The following OSBP2 variants were observed in gnomAD, a reference collection of about 807,000 sequenced individuals.
OSBP2 encodes the protein oxysterol-binding protein 2.
In OSBP2, 66 loss-of-function variants were observed where a neutral mutation model predicts 96.0. The ratio of observed to expected loss-of-function variants is 0.69; its 90% CI spans 0.56 to 0.84. The LOEUF (loss-of-function observed/expected upper bound fraction) is 0.84. OSBP2 is among the 40% of genes least tolerant of loss of function. The pLI is 0.00. For missense variants in OSBP2, 1,038 were observed against 1,222.7 expected (o/e 0.85, Z 2.25); for synonymous variants, 525 against 520.9 (o/e 1.01, Z -0.11).
At chr22:30,866,416 C>T (rs2039339515) in intron 2 of OSBP2, among the ~76,000 whole-genome samples, 1 of 152,228 alleles carries the variant, frequency 6.6e-6, no homozygotes, top group African/African-American at 2.4e-5. Flanking sequence ...GATTTCAGGA[C>T]TCCTGACTTC....
At chr22:30,823,900 G>A (rs893485662) in intron 2 of OSBP2, among the ~76,000 whole-genome samples, 2 of 152,244 alleles carry the variant, frequency 1.3e-5, no homozygotes, top group South Asian at 2.1e-4. Flanking sequence ...TTCTTTACGC[G>A]AAATTTAAAT....
intron 3 of OSBP2, among the ~76,000 whole-genome samples, chr22:30,883,781 T>G (rs1402224031): frequency 1.6e-5 from 1 of 63,330 alleles, no homozygotes; most frequent in African/African-American, 7.4e-5. Context: ...AGGGATACCG[T>G]CCCCCTGCCT....
At chr22:30,888,099 G>C in intron 4 of OSBP2, 124 bp from the exon 5 acceptor site, 1 of 706,140 alleles carries the variant, frequency 1.4e-6, no homozygotes, top group Non-Finnish European at 2.5e-6. Context: ...GGGCTGCCCA[G>C]GTGACTGAAG....
At chr22:30,797,718 A>G (rs1196164745) in intron 2 of OSBP2, among the ~76,000 whole-genome samples, 1 of 151,768 alleles carries the variant, frequency 6.6e-6, no homozygotes, top group Non-Finnish European at 1.5e-5. Context: ...CAGCCTCCTG[A>G]GTAACTAGGA....
intron 6 of OSBP2, 119 bp from the exon 7 acceptor site, chr22:30,889,370 AC>A: frequency 1.4e-6 from 2 of 1,439,396 alleles, no homozygotes; most frequent in Non-Finnish European, 1.9e-6. Context: ...CTGGCCTTCC[AC>A]CAGCAGCGTA....
chr22:30,852,192 G>C (rs1352851620), intron 2 of OSBP2, among the ~76,000 whole-genome samples: 1 of 152,058 alleles, frequency 6.6e-6, no homozygotes, highest in African/African-American at 2.4e-5. Flanking sequence ...ATTGTGAATT[G>C]TTTCTACCCC....
chr22:30,760,030 T>G (rs1039862186), intron 2 of OSBP2, among the ~76,000 whole-genome samples: 1 of 145,202 alleles, frequency 6.9e-6, no homozygotes, highest in African/African-American at 2.5e-5. Context: ...CCCAGCTAAT[T>G]TTTTTTTTTG....
At chr22:30,797,737 G>A (rs2090785459) in intron 2 of OSBP2, among the ~76,000 whole-genome samples, 2 of 151,796 alleles carry the variant, frequency 1.3e-5, no homozygotes, top group South Asian at 4.2e-4. Flanking sequence ...GACTACAGGC[G>A]CCAGCCACCA....
intron 2 of OSBP2, among the ~76,000 whole-genome samples, chr22:30,865,456 C>T (rs1400042166): frequency 1.3e-5 from 2 of 152,092 alleles, no homozygotes; most frequent in Admixed American, 1.3e-4. Flanking sequence ...GAAACCCCAT[C>T]CCATCTCTAC....
At chr22:30,756,619 G>T (rs2090143866) in intron 2 of OSBP2, among the ~76,000 whole-genome samples, 1 of 152,140 alleles carries the variant, frequency 6.6e-6, no homozygotes, top group Non-Finnish European at 1.5e-5. Flanking sequence ...TTCGAACCCG[G>T]GAGGTGGAGT....
rs1276884311 is a variant in OSBP2 at position 30,695,006 on chromosome 22, C to T, written c.97C>T (p.His33Tyr). 1 of 1,575,912 alleles carries T rather than the reference C, an allele frequency of 6.3e-7. No homozygotes were observed. Among genetic ancestry groups the T allele is most frequent in the Non-Finnish European group, 8.6e-7 (1 of 1,164,562 alleles). ...CACGGTTGTCCCCTGCCTGTCGTGC[C>T]ACACGGCGGCGCCGGGCATGAGCGC... Reference protein sequence around the residue: ...LFTVVPCLSCHTAAPGMSAST... With the variant: ...LFTVVPCLSCYTAAPGMSAST... Residue 33 changes from histidine to tyrosine, a missense_variant, in exon 1 of 14, where the codon CAC (histidine) becomes TAC (tyrosine). By Grantham distance (83) the His-to-Tyr change is moderately conservative. Transcript: ENST00000332585.
intron 1 of OSBP2, among the ~76,000 whole-genome samples, chr22:30,696,776 C>T (rs977892670): frequency 2.0e-5 from 3 of 152,110 alleles, no homozygotes; most frequent in African/African-American, 7.2e-5. Flanking sequence ...GCCTCAGCCT[C>T]CTGAGTAGTT....
chr22:30,764,556 T>C (rs896118602), intron 2 of OSBP2, among the ~76,000 whole-genome samples: 9 of 152,056 alleles, frequency 5.9e-5, no homozygotes, highest in African/African-American at 2.2e-4. Flanking sequence ...CACTTAACAG[T>C]CCTCTCTTCC....
chr22:30,810,621 G>A (rs1284696373), intron 2 of OSBP2, among the ~76,000 whole-genome samples: 1 of 152,176 alleles, frequency 6.6e-6, no homozygotes, highest in East Asian at 1.9e-4. Flanking sequence ...CCAGAAGACA[G>A]GTACTATACC....
intron 2 of OSBP2, among the ~76,000 whole-genome samples, chr22:30,791,191 T>G (rs1267333435): frequency 6.6e-6 from 1 of 151,964 alleles, no homozygotes; most frequent in East Asian, 1.9e-4. Context: ...GCCATGATCT[T>G]GAACTCCTGA....
intron 2 of OSBP2, among the ~76,000 whole-genome samples, chr22:30,761,382 A>C (rs2090202921): frequency 6.6e-6 from 1 of 152,228 alleles, no homozygotes; most frequent in African/African-American, 2.4e-5. Context: ...ATATAATTAT[A>C]ACAAAACAAA....
intron 2 of OSBP2, among the ~76,000 whole-genome samples, chr22:30,816,831 G>A (rs2091089775): frequency 6.6e-6 from 1 of 152,074 alleles, no homozygotes; most frequent in African/African-American, 2.4e-5. Flanking sequence ...CTGCCTCCCA[G>A]TTCAAGCAAC....
At chr22:30,895,606 C>A (rs976473184) in intron 12 of OSBP2, among the ~76,000 whole-genome samples, 1 of 151,710 alleles carries the variant, frequency 6.6e-6, no homozygotes. Flanking sequence ...TCCTTAGGCA[C>A]GCAGCCTCGG....
chr22:30,710,946 GT>G (rs1384980120), intron 1 of OSBP2, among the ~76,000 whole-genome samples: 1 of 151,882 alleles, frequency 6.6e-6, no homozygotes, highest in African/African-American at 2.4e-5. Flanking sequence ...GTTTCACCAT[GT>G]TGGCCAGGCT....
Sources: gnomAD v4.1 joint callset for allele counts (sites outside exome capture counted in the v4.1 genomes callset) on GRCh38, gnomAD v4.1.1 for gene constraint, MANE v1.5 for transcripts, NCBI Gene and HGNC (gene_info 2026-07-23, HGNC 2026-07-21) for gene names.